MYO16: variants seen among roughly 807,000 people sequenced by gnomAD.
The protein encoded by MYO16 is unconventional myosin-XVI.
Under a neutral mutation model 205.3 loss-of-function variants are expected in MYO16, and 94 were observed. The ratio of observed to expected loss-of-function variants is 0.46; its 90% CI spans 0.39 to 0.54. The LOEUF is 0.54. MYO16 is among the 20% of genes least tolerant of loss of function. The pLI is 0.00. For synonymous variants in MYO16, 988 were observed against 954.0 expected (o/e 1.04, Z -0.66); for missense variants, 2,315 against 2,387.5 (o/e 0.97, Z 0.63).
intron 34 of MYO16, among the ~76,000 whole-genome samples, chr13:109,203,192 C>T (rs968434989): frequency 2.0e-5 from 3 of 152,150 alleles, no homozygotes; most frequent in Non-Finnish European, 4.4e-5. Flanking sequence ...CAAACACAAA[C>T]AGGTGGGACT....
intron 20 of MYO16, among the ~76,000 whole-genome samples, chr13:108,978,089 T>A (rs947212110): frequency 6.6e-6 from 1 of 152,062 alleles, no homozygotes; most frequent in Non-Finnish European, 1.5e-5. Flanking sequence ...TAATGAGTTC[T>A]ATTCTATTAT....
chr13:108,805,538 T>C (rs2138978856), intron 6 of MYO16, among the ~76,000 whole-genome samples: 1 of 152,292 alleles, frequency 6.6e-6, no homozygotes, highest in East Asian at 1.9e-4. Context: ...GCATTGATTT[T>C]ACTACTTTTA....
chr13:108,665,188 C>T (rs114361997), intron 1 of MYO16, among the ~76,000 whole-genome samples: 3,588 of 152,166 alleles, frequency 0.024, 94 homozygotes, highest in African/African-American at 0.072. Flanking sequence ...TGGGCTTATG[C>T]GATCCCCCAC....
At chr13:108,721,703 C>CAATG (rs1884170347) in intron 3 of MYO16, among the ~76,000 whole-genome samples, 1 of 152,144 alleles carries the variant, frequency 6.6e-6, no homozygotes, top group South Asian at 2.1e-4. Context: ...CCAGAAGAAT[C>CAATG]AATGATAAGC....
At chr13:108,545,355 T>C in the MYO16 span, among the ~76,000 whole-genome samples, 1 of 152,226 alleles carries the variant, frequency 6.6e-6, no homozygotes, top group African/African-American at 2.4e-5. Context: ...TATGGCGGCA[T>C]AGTATTCCAT....
At chr13:108,617,737 G>A (rs9587629) in intron 1 of MYO16, among the ~76,000 whole-genome samples, 4 of 152,140 alleles carry the variant, frequency 2.6e-5, no homozygotes, top group African/African-American at 9.7e-5. Context: ...GTGCATAGCA[G>A]AAGCCCTGCA....
chr13:108,930,155 G>A (rs1882192918), intron 16 of MYO16, among the ~76,000 whole-genome samples: 1 of 152,086 alleles, frequency 6.6e-6, no homozygotes. Flanking sequence ...CACCAAATAA[G>A]GGGATAATTG....
chr13:108,950,797 G>GT (rs1883114978), intron 16 of MYO16, among the ~76,000 whole-genome samples: 1 of 152,194 alleles, frequency 6.6e-6, no homozygotes, highest in Non-Finnish European at 1.5e-5. Flanking sequence ...CACTCTAGAT[G>GT]TTTCTCAGAC....
At chr13:108,830,936 C>T (rs1284427390) in intron 9 of MYO16, among the ~76,000 whole-genome samples, 2 of 152,168 alleles carry the variant, frequency 1.3e-5, no homozygotes, top group Admixed American at 6.5e-5. Context: ...AACCAAATCA[C>T]ATATGCCATA....
chr13:109,144,619 A>G (rs1486793310), intron 32 of MYO16, among the ~76,000 whole-genome samples: 2 of 152,106 alleles, frequency 1.3e-5, no homozygotes, highest in Non-Finnish European at 2.9e-5. Context: ...AGACATTTTT[A>G]TTTTCACCGT....
chr13:108,762,384 C>T (rs1011113684), intron 4 of MYO16, among the ~76,000 whole-genome samples: 4 of 152,084 alleles, frequency 2.6e-5, no homozygotes, highest in African/African-American at 9.7e-5. Context: ...TGGATCAAAT[C>T]GTAGTTCTGT....
intron 27 of MYO16, among the ~76,000 whole-genome samples, chr13:109,073,329 T>A (rs1253062885): frequency 2.0e-5 from 3 of 151,774 alleles, no homozygotes; most frequent in Non-Finnish European, 4.4e-5. Context: ...GCCAGGTTGG[T>A]CTCGAACTCC....
chr13:108,677,447 T>C (rs117857769), intron 2 of MYO16, among the ~76,000 whole-genome samples: 5 of 150,260 alleles, frequency 3.3e-5, no homozygotes, highest in African/African-American at 1.2e-4. Context: ...TAGGTACAGA[T>C]ACACATGTAC....
chr13:108,938,069 G>A (rs1882569032), intron 16 of MYO16, among the ~76,000 whole-genome samples: 1 of 151,812 alleles, frequency 6.6e-6, no homozygotes, highest in South Asian at 2.1e-4. Context: ...TCCCTATAAT[G>A]TTGTTGTTGT....
At chr13:108,640,948 A>C (rs1880479018) in intron 1 of MYO16, among the ~76,000 whole-genome samples, 1 of 152,278 alleles carries the variant, frequency 6.6e-6, no homozygotes, top group South Asian at 2.1e-4. Context: ...GTACTATGAA[A>C]ACCTGTTCCA....
At chr13:108,750,763 T>C (rs1020799537) in intron 4 of MYO16, among the ~76,000 whole-genome samples, 7 of 152,026 alleles carry the variant, frequency 4.6e-5, no homozygotes, top group African/African-American at 1.7e-4. Flanking sequence ...GCTGAGATCA[T>C]GCCACTGCAC....
intron 20 of MYO16, among the ~76,000 whole-genome samples, chr13:108,968,228 C>T (rs1488844497): frequency 6.6e-6 from 1 of 152,116 alleles, no homozygotes; most frequent in Admixed American, 6.6e-5. Context: ...CAACTTTGCT[C>T]AGTGCTATCA....
At chr13:109,186,974 A>G (rs1879715305) in intron 34 of MYO16, among the ~76,000 whole-genome samples, 1 of 152,178 alleles carries the variant, frequency 6.6e-6, no homozygotes, top group Non-Finnish European at 1.5e-5. Flanking sequence ...GGTTAAACCA[A>G]TGTATGTACT....
intron 27 of MYO16, among the ~76,000 whole-genome samples, chr13:109,092,971 A>T (rs1317237997): frequency 2.0e-5 from 3 of 152,196 alleles, no homozygotes; most frequent in Non-Finnish European, 4.4e-5. Flanking sequence ...AATGAAGACT[A>T]TCTATGATGT....
Sources: allele counts gnomAD v4.1 joint callset (sites outside exome capture counted in the v4.1 genomes callset), GRCh38; gene constraint gnomAD v4.1.1; transcripts MANE v1.5; gene names NCBI Gene and HGNC (gene_info 2026-07-23, HGNC 2026-07-21).